SMCO4: variants seen among roughly 807,000 people sequenced by gnomAD.
SMCO4 encodes single-pass membrane and coiled-coil domain-containing protein 4.
In SMCO4, 4 loss-of-function variants were observed where a neutral mutation model predicts 3.6. The observed-to-expected ratio is 1.11, with a 90% CI of 0.54 to 2.53. The LOEUF is 2.53. Among genes scored for constraint, SMCO4 ranks in the 30% most tolerant of loss-of-function variants. The pLI is 0.02. For missense variants in SMCO4, 70 were observed against 80.8 expected (o/e 0.87, Z 0.51); for synonymous variants, 36 against 35.3 (o/e 1.02, Z -0.07).
chr11:93,509,377 A>T (rs569906234), intron 1 of SMCO4, among the ~76,000 whole-genome samples: 1 of 152,324 alleles, frequency 6.6e-6, no homozygotes, highest in East Asian at 1.9e-4. Flanking sequence ...GGGAATGCAA[A>T]CTGGTACAAC....
intron 1 of SMCO4, among the ~76,000 whole-genome samples, chr11:93,526,664 T>C (rs969176972): frequency 6.5e-4 from 99 of 152,294 alleles, no homozygotes; most frequent in African/African-American, 2.1e-3. Context: ...TCACGCACCA[T>C]TGTACACTCA....
At chr11:93,527,121 C>A (rs1949115725) in intron 1 of SMCO4, among the ~76,000 whole-genome samples, 2 of 152,230 alleles carry the variant, frequency 1.3e-5, no homozygotes, top group South Asian at 4.1e-4. Context: ...GGGCTGACCA[C>A]CACCTCACTG....
At chr11:93,535,500 C>A in intron 1 of SMCO4, 2 of 1,367,368 alleles carry the variant, frequency 1.5e-6, no homozygotes, top group Non-Finnish European at 2.1e-6. Context: ...CAGCTCCTGA[C>A]GGAGCTGACC....
intron 1 of SMCO4, among the ~76,000 whole-genome samples, chr11:93,535,283 G>A (rs1949208638): frequency 6.6e-6 from 1 of 152,186 alleles, no homozygotes; most frequent in Admixed American, 6.5e-5. Flanking sequence ...ACCACTGGTG[G>A]CATGACGCTT....
rs890546052 is a variant in SMCO4, at chr11:93,490,564, G to C, written c.-81+8712C>G. ...ATTTCACAATCAGTCAATGAGTTGA[G>C]ACCTGTAGCTGAAGTCCACCAGACT... On this transcript the variant is annotated intron_variant, in intron 2 of 2. Transcript: ENST00000298966. 3.9e-5 allele frequency among the ~76,000 whole-genome samples: 6 copies of C among 152,148 alleles called. 1 individual carries two copies.
chr11:93,503,052 C>T (rs1235115314), intron 1 of SMCO4, among the ~76,000 whole-genome samples: 1 of 152,150 alleles, frequency 6.6e-6, no homozygotes, highest in African/African-American at 2.4e-5. Context: ...TTAGATCCCA[C>T]AGAGTCTGGC....
intron 2 of SMCO4, among the ~76,000 whole-genome samples, chr11:93,486,024 A>T (rs571577305): frequency 1.3e-5 from 2 of 152,336 alleles, no homozygotes; most frequent in Admixed American, 1.3e-4. Context: ...TTGAACTCAG[A>T]TGTGATTCCA....
chr11:93,509,831 G>A (rs1948942056), intron 1 of SMCO4, among the ~76,000 whole-genome samples: 1 of 152,124 alleles, frequency 6.6e-6, no homozygotes, highest in Non-Finnish European at 1.5e-5. Flanking sequence ...GGAAAGGATG[G>A]GAGCAGAGTG....
chr11:93,496,607 G>A (rs541540214), intron 2 of SMCO4, among the ~76,000 whole-genome samples: 11 of 152,218 alleles, frequency 7.2e-5, no homozygotes, highest in South Asian at 6.2e-4. Flanking sequence ...TCATGGTGTC[G>A]GAGGTCCTGC....
intron 1 of SMCO4, among the ~76,000 whole-genome samples, chr11:93,541,856 A>T (rs999531464): frequency 6.6e-6 from 1 of 152,232 alleles, no homozygotes; most frequent in Non-Finnish European, 1.5e-5. Context: ...CCTTACAAGA[A>T]AAAAGATTTC....
intron 2 of SMCO4, among the ~76,000 whole-genome samples, chr11:93,484,141 G>A (rs879679829): frequency 3.9e-5 from 6 of 152,144 alleles, no homozygotes; most frequent in Admixed American, 1.3e-4. Flanking sequence ...ACACACCCAC[G>A]GCAACCGGTC....
intron 1 of SMCO4, among the ~76,000 whole-genome samples, chr11:93,515,507 A>G (rs1213010276): frequency 1.3e-5 from 2 of 152,236 alleles, no homozygotes; most frequent in Non-Finnish European, 2.9e-5. Context: ...TCTGTTACTC[A>G]GGACCCTTGG....
the SMCO4 span, among the ~76,000 whole-genome samples, chr11:93,553,632 G>C: frequency 2.4e-4 from 37 of 152,288 alleles, no homozygotes; most frequent in African/African-American, 8.4e-4. Flanking sequence ...GCTAGATCTT[G>C]TTATTCAATG....
chr11:93,542,963 C>T (rs934201559), intron 1 of SMCO4, among the ~76,000 whole-genome samples: 4 of 152,046 alleles, frequency 2.6e-5, no homozygotes, highest in African/African-American at 7.2e-5. Flanking sequence ...CCGCCCGGCC[C>T]CGCGGGCTCG....
intron 1 of SMCO4, among the ~76,000 whole-genome samples, chr11:93,537,336 A>G (rs75861927): frequency 0.021 from 3,163 of 152,338 alleles, 62 homozygotes; most frequent in Non-Finnish European, 0.03. Context: ...CAAACAGCCC[A>G]GGAATCTTTT....
At chr11:93,536,008 C>T (rs535043165) in intron 1 of SMCO4, among the ~76,000 whole-genome samples, 1 of 151,998 alleles carries the variant, frequency 6.6e-6, no homozygotes, top group South Asian at 2.1e-4. Flanking sequence ...TTGCATTTGG[C>T]TAATTGGTCT....
At chr11:93,503,680 G>A (rs1460430208) in intron 1 of SMCO4, among the ~76,000 whole-genome samples, 1 of 152,138 alleles carries the variant, frequency 6.6e-6, no homozygotes, top group Non-Finnish European at 1.5e-5. Context: ...GCAGATATAC[G>A]AATGACAAGA....
At chr11:93,551,578 C>T in the SMCO4 span, among the ~76,000 whole-genome samples, 3 of 152,226 alleles carry the variant, frequency 2.0e-5, no homozygotes, top group African/African-American at 7.2e-5. Context: ...AGCTGCAGCA[C>T]TTAGGTGAGT....
chr11:93,549,460 T>A, the SMCO4 span, among the ~76,000 whole-genome samples: 87,005 of 151,030 alleles, frequency 0.58, 25,242 homozygotes, highest in Admixed American at 0.65. Flanking sequence ...GTAAAAAAAA[T>A]TTTTTTGAGT....
Sources: allele counts gnomAD v4.1 joint callset (sites outside exome capture counted in the v4.1 genomes callset), GRCh38; gene constraint gnomAD v4.1.1; transcripts MANE v1.5; gene names NCBI Gene and HGNC (gene_info 2026-07-23, HGNC 2026-07-21).